MYCBP2: variants seen among roughly 807,000 people sequenced by gnomAD.
MYCBP2 encodes MYC binding protein 2.
A neutral mutation model predicts 525.3 loss-of-function variants in MYCBP2; 120 were observed. The observed-to-expected ratio is 0.23, with a 90% CI of 0.20 to 0.27. The LOEUF (loss-of-function observed/expected upper bound fraction) is 0.27, where lower values mean the gene tolerates loss of function less well. MYCBP2 is among the 10% of genes least tolerant of loss of function. The pLI is 1.00. For missense variants in MYCBP2, 4,149 were observed against 5,657.1 expected (o/e 0.73, Z 8.55); for synonymous variants, 1,894 against 1,955.8 (o/e 0.97, Z 0.83).
intron 5 of MYCBP2, among the ~76,000 whole-genome samples, chr13:77,272,759 A>G (rs557226910): frequency 1.3e-5 from 2 of 152,310 alleles, no homozygotes; most frequent in East Asian, 3.9e-4. Context: ...GAAAATGACC[A>G]ATATACTCCT....
intron 46 of MYCBP2, among the ~76,000 whole-genome samples, chr13:77,154,938 T>C (rs913043548): frequency 2.6e-5 from 4 of 152,048 alleles, no homozygotes; most frequent in Middle Eastern, 3.2e-3. Flanking sequence ...AGCATCAGAG[T>C]ATAGCATATT....
At chr13:77,163,960 A>T (rs1223473258) in intron 43 of MYCBP2, among the ~76,000 whole-genome samples, 1 of 152,122 alleles carries the variant, frequency 6.6e-6, no homozygotes, top group African/African-American at 2.4e-5. Flanking sequence ...TGAAATTTTG[A>T]TAAGTCACAG....
At position 77,326,166 on chromosome 13, in the gene MYCBP2, G is replaced by C. The variant is rs772589958; in HGVS notation, c.302+308C>G. Among the ~76,000 whole-genome samples, 4 of 149,730 alleles carry C rather than the reference G, an allele frequency of 2.7e-5. No homozygotes were observed. The highest frequency in any genetic ancestry group is 3.0e-5 in the Non-Finnish European group (2 of 67,766). On this transcript the variant is annotated intron_variant, in intron 1 of 82. Coordinates refer to ENST00000544440, the MANE Select transcript of MYCBP2 (RefSeq NM_015057.5). The surrounding 1 kb of genome is among the most constrained non-coding windows in gnomAD (Gnocchi z 4.2). ...AACGATACACACACGTGTCACAGCC[G>C]ACCAGCACCATCGCCTTTTCCAGCA...
intron 1 of MYCBP2, among the ~76,000 whole-genome samples, chr13:77,306,955 T>A (rs2079507585): frequency 6.6e-6 from 1 of 151,948 alleles, no homozygotes; most frequent in Non-Finnish European, 1.5e-5. Flanking sequence ...CTGCAGGGAA[T>A]GGGGAACAAC....
chr13:77,177,277 G>A (rs375265207), intron 35 of MYCBP2, among the ~76,000 whole-genome samples: 2 of 151,388 alleles, frequency 1.3e-5, no homozygotes, highest in African/African-American at 4.8e-5. Flanking sequence ...GACCCAAGGT[G>A]GAAAGATGGA....
chr13:77,176,019 C>CTTTTTTTTTT (rs35933603), intron 36 of MYCBP2, among the ~76,000 whole-genome samples: 1 of 142,898 alleles, frequency 7.0e-6, no homozygotes, highest in Non-Finnish European at 1.5e-5. Flanking sequence ...AACAAAAACA[C>CTTTTTTTTTT]TTTTTTTTTT....
rs779683610 is a variant in MYCBP2, at chr13:77,233,271, G to A, written c.2630-8C>T. ...CAGCAAATACAAGGGGGCCTGAGGAGAAACATTTTGTATGTGCATAGAAAA... is the reference window on the plus strand; with the variant it reads ...CAGCAAATACAAGGGGGCCTGAGGAAAAACATTTTGTATGTGCATAGAAAA... On this transcript the variant is annotated splice_region_variant and splice_polypyrimidine_tract_variant and intron_variant, in intron 17 of 82. Coordinates refer to ENST00000544440, the MANE Select transcript of MYCBP2 (RefSeq NM_015057.5). The A allele has an allele frequency of 4.4e-6, 7 of 1,602,524 alleles. No individual in the cohort carries two copies. In the African/African-American group the frequency reaches 9.4e-5, roughly 21 times the overall value.
rs775293221 is a variant in MYCBP2 at position 77,164,557 on chromosome 13, A to C, written c.6460-16T>G. ...GGATGACTCCCTATGGAATTGCATAAAATTTGCTGCTTTAAAAATGTTTGA... is the reference window on the plus strand; with the variant it reads ...GGATGACTCCCTATGGAATTGCATACAATTTGCTGCTTTAAAAATGTTTGA... On this transcript the variant is annotated splice_polypyrimidine_tract_variant and intron_variant, in intron 42 of 82. Coordinates refer to ENST00000544440, the MANE Select transcript of MYCBP2 (RefSeq NM_015057.5). 1 of 1,510,420 alleles carries C rather than the reference A, an allele frequency of 6.6e-7. No homozygotes were observed. The highest frequency in any genetic ancestry group is 1.4e-5 in the African/African-American group (1 of 72,950). The allele number at this position is 1,510,420 out of a possible 1,614,324, so 93.6% of individuals were successfully genotyped here.
At chr13:77,203,434 T>C (rs897792362) in intron 26 of MYCBP2, among the ~76,000 whole-genome samples, 2 of 152,010 alleles carry the variant, frequency 1.3e-5, no homozygotes, top group African/African-American at 4.8e-5. Flanking sequence ...TGCTCATGGG[T>C]AGGAAGAATC....
Position 77,058,470 on chromosome 13 carries a change from CTTA to C in MYCBP2, c.13141-67_13141-65del. The C allele has an allele frequency of 1.5e-6, 2 of 1,363,346 alleles. No individual in the cohort carries two copies. Among genetic ancestry groups the C allele is most frequent in the Non-Finnish European group, 2.0e-6 (2 of 1,024,950 alleles). The allele number at this position is 1,363,346 out of a possible 1,614,324, so 84.5% of individuals were successfully genotyped here. A position where few individuals can be genotyped will look rare whatever the true frequency, so the allele number is the denominator to read the frequency against. On this transcript the variant is annotated intron_variant, in intron 77 of 82. Coordinates refer to ENST00000544440, the MANE Select transcript of MYCBP2 (RefSeq NM_015057.5). This position sits in a 1 kb window ranked among gnomAD's most constrained non-coding sequence, Gnocchi z 4.1. The stretch of plus-strand genomic sequence containing the variant: ...AAAAGCACACATTCTGGTAATTTTC[CTTA>C]TTATATAAATTTCCAAAGATTACTT...
At chr13:77,305,323 C>G (rs2079274182) in intron 1 of MYCBP2, among the ~76,000 whole-genome samples, 1 of 152,052 alleles carries the variant, frequency 6.6e-6, no homozygotes, top group Non-Finnish European at 1.5e-5. Context: ...TAAAGTGTAG[C>G]ACTTCCATAT....
intron 74 of MYCBP2, 81 bp downstream of exon 74, chr13:77,062,511 TTTTG>T (rs535986399): frequency 1.0e-4 from 121 of 1,180,020 alleles, no homozygotes; most frequent in Middle Eastern, 3.9e-4. Flanking sequence ...TTGATGTGTT[TTTTG>T]TTTGTTTGTT....
At chr13:77,183,006 C>T (rs1462478439) in intron 32 of MYCBP2, among the ~76,000 whole-genome samples, 1 of 152,070 alleles carries the variant, frequency 6.6e-6, no homozygotes, top group Non-Finnish European at 1.5e-5. Context: ...GTTCCTGTAG[C>T]TATATGGAGG....
rs77884242 is a variant in MYCBP2 at position 77,049,330 on chromosome 13, C to T, written c.13921+1667G>A. On this transcript the variant is annotated intron_variant, in intron 82 of 82. Transcript: ENST00000544440. ...CAGTATTTGAGGAGAAACAGTAAAACAATTTTTATTTGACATGAGCAAATG... is the reference window on the plus strand; with the variant it reads ...CAGTATTTGAGGAGAAACAGTAAAATAATTTTTATTTGACATGAGCAAATG... Among the ~76,000 whole-genome samples, 344 of 152,168 alleles carry T rather than the reference C, an allele frequency of 2.3e-3. 3 individuals are homozygous for T. Among genetic ancestry groups the T allele is most frequent in the African/African-American group, 6.3e-3 (260 of 41,524 alleles).
intron 42 of MYCBP2, 77 bp downstream of exon 42, chr13:77,165,196 G>T: frequency 7.8e-7 from 1 of 1,277,194 alleles, no homozygotes; most frequent in Non-Finnish European, 1.1e-6. Context: ...TACAATTTAA[G>T]TCAGTTAGAA....
chr13:77,050,014 T>C (rs1404043942), intron 82 of MYCBP2, among the ~76,000 whole-genome samples: 11 of 152,134 alleles, frequency 7.2e-5, no homozygotes, highest in Admixed American at 6.5e-4. Context: ...CTCACTCTTT[T>C]TTTTTTTTAA....
intron 21 of MYCBP2, among the ~76,000 whole-genome samples, chr13:77,214,030 C>T (rs1566945303): frequency 6.6e-6 from 1 of 152,112 alleles, no homozygotes; most frequent in African/African-American, 2.4e-5. Context: ...AACACATGCC[C>T]CCAAAAAGAA....
rs1376273821 is a variant in MYCBP2 at position 77,211,810 on chromosome 13, G to T, written c.3262+146C>A. ...CAGCATAGAGACACATATAAACGGA[G>T]ACATTTACAGGCTTTGTTTAAATTT... On this transcript the variant is annotated intron_variant, in intron 22 of 82. Transcript: ENST00000544440. The T allele has an allele frequency of 1.5e-5, 10 of 656,206 alleles. 1 individual carries two copies. The allele number at this position is 656,206 out of a possible 1,614,324, so 40.6% of individuals were successfully genotyped here.
Position 77,097,623 on chromosome 13 carries a change from A to G in MYCBP2, c.9531T>C (p.Ala3177=). ...TTGGAAAAATCATATTCTGGGAAGCAGCTTTGATAGTAGCCAAAGAGATGT... is the reference window on the plus strand; with the variant it reads ...TTGGAAAAATCATATTCTGGGAAGCGGCTTTGATAGTAGCCAAAGAGATGT... ...WEDISLATIK[A]ASQNMIFPSP... is the part of the protein sequence containing the mutation. The change falls in exon 56 of 83, where the codon GCT becomes GCC. Residue 3177 remains alanine, a synonymous_variant. Coordinates refer to ENST00000544440, the MANE Select transcript of MYCBP2 (RefSeq NM_015057.5). 6.2e-7 allele frequency: 1 copy of G among 1,613,708 alleles called. No individual in the cohort carries two copies. The highest frequency in any genetic ancestry group is 8.5e-7 in the Non-Finnish European group (1 of 1,179,814).
Sources: allele counts gnomAD v4.1 joint callset (sites outside exome capture counted in the v4.1 genomes callset), GRCh38; gene constraint gnomAD v4.1.1; non-coding constraint Gnocchi (gnomAD v3.1); transcripts MANE v1.5; gene names NCBI Gene and HGNC (gene_info 2026-07-23, HGNC 2026-07-21).